The following PDCD2 variants were observed in gnomAD, a reference collection of about 807,000 sequenced individuals.
PDCD2 encodes programmed cell death 2, also known as uS5 assembly chaperone PDCD2.
In PDCD2, 38 loss-of-function variants were observed where a neutral mutation model predicts 38.1. The observed-to-expected ratio is 1.00, with a 90% CI of 0.77 to 1.31. The LOEUF (loss-of-function observed/expected upper bound fraction) is 1.31, where lower values mean the gene tolerates loss of function less well. PDCD2 is among the 50% of genes most tolerant of loss of function. The probability of loss-of-function intolerance (pLI) is 0.00; values close to 1 mark genes in which losing one functional copy is unlikely to be tolerated. For missense variants in PDCD2, 473 were observed against 435.7 expected, an observed-to-expected ratio of 1.09 and a Z score of -0.76; for synonymous variants, 205 against 168.9, an observed-to-expected ratio of 1.21 and a Z score of -1.66.
Position 170,575,932 on chromosome 6 carries a change from T to G in PDCD2, c.*1627A>C, listed in dbSNP as rs1360381790. The G allele has an allele frequency of 6.6e-6, 1 of 152,224 alleles. No individual in the cohort carries two copies. Among genetic ancestry groups the G allele is most frequent in the African/African-American group, 2.4e-5 (1 of 41,458 alleles). 9.4% of individuals were successfully genotyped at this position (152,224 alleles called of 1,614,324 possible). ...AAAGTCATTAGCAGTCATAACGTACTTACAGATTCTGCCTATAAGGAATAA... is the reference window on the plus strand; with the variant it reads ...AAAGTCATTAGCAGTCATAACGTACGTACAGATTCTGCCTATAAGGAATAA... On this transcript the variant is annotated 3_prime_UTR_variant, in exon 6 of 6. Transcript: ENST00000541970.
At chr6:170,579,000 A>G (rs1779522620) in intron 4 of PDCD2, 30 bp from the exon 5 acceptor site, 1 of 1,340,444 alleles carries the variant, frequency 7.5e-7, no homozygotes, top group South Asian at 1.2e-5. Flanking sequence ...TGTTCAAATA[A>G]TCAATACCTT....
chr6:170,578,998 T>C, intron 4 of PDCD2, 28 bp from the exon 5 acceptor site: 2 of 1,353,906 alleles, frequency 1.5e-6, no homozygotes, highest in Non-Finnish European at 2.1e-6. Flanking sequence ...CATGTTCAAA[T>C]AATCAATACC....
At chr6:170,584,271 C>T in intron 1 of PDCD2, 28 bp downstream of exon 1, 1 of 1,397,668 alleles carries the variant, frequency 7.2e-7, no homozygotes, top group South Asian at 1.7e-5. Flanking sequence ...GAGGCATGGC[C>T]CCGTCCCGAC....
rs577216277 is a variant in PDCD2, at chr6:170,576,133, G to A, written c.*1426C>T. 4 of 152,244 alleles carry A rather than the reference G, an allele frequency of 2.6e-5. No homozygotes were observed. In the South Asian group the frequency reaches 6.2e-4, roughly 24 times the overall value. 9.4% of individuals were successfully genotyped at this position (152,244 alleles called of 1,614,324 possible). A position where few individuals can be genotyped will look rare whatever the true frequency, so the allele number is the denominator to read the frequency against. ...TCATAGATTTAGCCATCCCAGGTTC[G>A]AAACTAGTATCCTCTAGCTCTTAAG... On this transcript the variant is annotated 3_prime_UTR_variant, in exon 6 of 6. Coordinates refer to ENST00000541970, the MANE Select transcript of PDCD2 (RefSeq NM_002598.4).
At chr6:170,583,956 T>G in intron 1 of PDCD2, 1 of 572,312 alleles carries the variant, frequency 1.7e-6, no homozygotes, top group African/African-American at 1.9e-5. Context: ...TTAATCAAAT[T>G]AATAAGACTG....
chr6:170,579,272 ATG>A (rs1378003230), intron 4 of PDCD2: 1 of 276,698 alleles, frequency 3.6e-6, no homozygotes, highest in African/African-American at 2.4e-5. Flanking sequence ...GGGACTAAGA[ATG>A]AGCCTCTGCT....
chr6:170,582,290 A>G (rs1289222005), intron 3 of PDCD2: 52 of 1,515,286 alleles, frequency 3.4e-5, no homozygotes, highest in African/African-American at 1.4e-5. Flanking sequence ...AAGGTCAGGC[A>G]CAGAGTAAGA....
chr6:170,582,901 G>C, intron 3 of PDCD2, 156 bp downstream of exon 3: 1 of 1,463,032 alleles, frequency 6.8e-7, no homozygotes, highest in Non-Finnish European at 8.9e-7. Flanking sequence ...ACAAAGTCCA[G>C]GAAGTATATT....
chr6:170,578,203 C>G (rs1283978462), intron 5 of PDCD2, among the ~76,000 whole-genome samples: 4 of 152,158 alleles, frequency 2.6e-5, no homozygotes, highest in Non-Finnish European at 2.9e-5. Context: ...CAAATCCTGT[C>G]ACCTCAATTT....
chr6:170,577,645 C>T lies in PDCD2; in HGVS notation c.949G>A (p.Val317Ile), dbSNP rs1439910012. 1 of 1,613,960 alleles carries T rather than the reference C, an allele frequency of 6.2e-7. No individual in the cohort carries two copies. Reference sequence around the variant, plus strand: ...CTGCAGCTCTCAGCACAGGTGAAGACAGCCAGGATGCCCCAGTCAATGCTC... The same window carrying T: ...CTGCAGCTCTCAGCACAGGTGAAGATAGCCAGGATGCCCCAGTCAATGCTC... Reference protein sequence around the residue: ...GKSIDWGILAVFTCAESCSLG... With the variant: ...GKSIDWGILAIFTCAESCSLG... Residue 317 changes from valine to isoleucine, a missense_variant, in exon 6 of 6, where the codon GTC becomes ATC. Transcript: ENST00000541970.
intron 1 of PDCD2, chr6:170,583,963 A>C (rs903944283): frequency 1.1e-5 from 6 of 566,552 alleles, no homozygotes; most frequent in Non-Finnish European, 1.8e-5. Flanking sequence ...AATTAATAAG[A>C]CTGATCGTTA....
intron 1 of PDCD2, chr6:170,584,075 G>C (rs2115019924): frequency 2.0e-6 from 1 of 494,606 alleles, no homozygotes; most frequent in Non-Finnish European, 3.5e-6. Flanking sequence ...CTGATTAAAA[G>C]CTGGGGGTTA....
At position 170,582,233 on chromosome 6, in the gene PDCD2, C is replaced by G. The variant is rs750386447; in HGVS notation, c.658+824G>C. 4 of 1,444,434 alleles carry G rather than the reference C, an allele frequency of 2.8e-6. No individual in the cohort carries two copies. In the South Asian group the frequency reaches 4.9e-5, roughly 18 times the overall value. The allele number at this position is 1,444,434 out of a possible 1,614,324, so 89.5% of individuals were successfully genotyped here. A position where few individuals can be genotyped will look rare whatever the true frequency, so the allele number is the denominator to read the frequency against. On this transcript the variant is annotated intron_variant, in intron 3 of 5. Transcript: ENST00000541970. Reference sequence around the variant, plus strand: ...GGCTCCTCCATAAGACTGTGAGCATCTGACCACTGGAGTGTTGCTTCCCAT... The same window carrying G: ...GGCTCCTCCATAAGACTGTGAGCATGTGACCACTGGAGTGTTGCTTCCCAT...
chr6:170,575,727 T>G lies in PDCD2; in HGVS notation c.*1832A>C, dbSNP rs949297662. 6 of 152,308 alleles carry G rather than the reference T, an allele frequency of 3.9e-5. No individual in the cohort carries two copies. Among genetic ancestry groups the G allele is most frequent in the South Asian group, 2.1e-4 (1 of 4,828 alleles). 9.4% of individuals were successfully genotyped at this position (152,308 alleles called of 1,614,324 possible). On this transcript the variant is annotated 3_prime_UTR_variant, in exon 6 of 6. Transcript: ENST00000541970. ...ACCAGTTTGTCTCCCTCTTGATATATCCATCCCAAATGGAAAGGCCCTGTA... is the reference window on the plus strand; with the variant it reads ...ACCAGTTTGTCTCCCTCTTGATATAGCCATCCCAAATGGAAAGGCCCTGTA...
chr6:170,582,421 T>C, intron 3 of PDCD2: 1 of 1,456,564 alleles, frequency 6.9e-7, no homozygotes, highest in Non-Finnish European at 9.0e-7. Context: ...AGGCTCAAAT[T>C]GTAAAATTTA....
intron 5 of PDCD2, chr6:170,578,600 G>C (rs751537748): frequency 1.4e-5 from 10 of 702,754 alleles, no homozygotes; most frequent in South Asian, 1.3e-4. Context: ...TGGAGGTGGA[G>C]AGCAGTGTAG....
Position 170,584,623 on chromosome 6 carries a change from C to T in PDCD2, c.-42G>A, listed in dbSNP as rs1779763710. 14 of 1,159,290 alleles carry T rather than the reference C, an allele frequency of 1.2e-5. No homozygotes were observed. Among genetic ancestry groups the T allele is most frequent in the African/African-American group, 1.6e-5 (1 of 62,362 alleles). 71.8% of individuals were successfully genotyped at this position (1,159,290 alleles called of 1,614,324 possible). On this transcript the variant is annotated 5_prime_UTR_variant, in exon 1 of 6. Transcript: ENST00000541970. ...CGTGGGGCGCAGCCCACAGCTGGGTCGGAAGGCGGAAATCGGGCGCCGGGC... is the reference window on the plus strand; with the variant it reads ...CGTGGGGCGCAGCCCACAGCTGGGTTGGAAGGCGGAAATCGGGCGCCGGGC...
rs146081543 is a variant in PDCD2 at position 170,581,895 on chromosome 6, CT to C, written c.658+1161del. Reference sequence around the variant, plus strand: ...ATATGACTACATCAAGAGTTTTTTACTTTTGATGATTAGGGACTGCTTTTTA... The same window carrying C: ...ATATGACTACATCAAGAGTTTTTTACTTTGATGATTAGGGACTGCTTTTTA... On this transcript the variant is annotated intron_variant, in intron 3 of 5. Transcript: ENST00000541970. The C allele has an allele frequency of 1.5e-4, 51 of 342,076 alleles. 1 individual carries two copies. In the East Asian group the frequency reaches 3.9e-3, roughly 26 times the overall value. 21.2% of individuals were successfully genotyped at this position (342,076 alleles called of 1,614,324 possible).
intron 5 of PDCD2, chr6:170,578,584 C>A: frequency 2.8e-6 from 2 of 701,844 alleles, no homozygotes; most frequent in South Asian, 3.0e-5. Flanking sequence ...AATGACATAA[C>A]CACACTGGAG....
Sources: gnomAD v4.1 joint callset for allele counts (sites outside exome capture counted in the v4.1 genomes callset) on GRCh38, gnomAD v4.1.1 for gene constraint, MANE v1.5 for transcripts, NCBI Gene and HGNC (gene_info 2026-07-23, HGNC 2026-07-21) for gene names.